TNS1: variants seen among roughly 807,000 people sequenced by gnomAD.
The protein encoded by TNS1 is tensin-1.
In TNS1, 62 loss-of-function variants were observed where a neutral mutation model predicts 168.6. That is an observed-to-expected ratio of 0.37 (90% CI 0.30 to 0.45). TNS1 has a LOEUF of 0.45. Ranked by LOEUF, TNS1 falls within the 20% of genes least tolerant of loss-of-function variation. TNS1 has a pLI of 1.00. For missense variants in TNS1, 2,240 were observed against 2,339.4 expected (o/e 0.96, Z 0.88); for synonymous variants, 934 against 933.2 (o/e 1.00, Z -0.02).
At chr2:217,834,291 G>A (rs1327384611) in intron 21 of TNS1, among the ~76,000 whole-genome samples, 1 of 152,236 alleles carries the variant, frequency 6.6e-6, no homozygotes, top group East Asian at 1.9e-4. Flanking sequence ...ACCAGGGCCA[G>A]TGGATAGCTT....
chr2:217,942,376 G>C (rs1461664718), intron 3 of TNS1, among the ~76,000 whole-genome samples: 5 of 152,104 alleles, frequency 3.3e-5, no homozygotes, highest in African/African-American at 1.2e-4. Flanking sequence ...CCCAAGTTGG[G>C]TCTCCAGTGC....
intron 2 of TNS1, among the ~76,000 whole-genome samples, chr2:217,988,909 G>A (rs113494192): frequency 0.016 from 2,504 of 152,214 alleles, 66 homozygotes; most frequent in African/African-American, 0.056. Flanking sequence ...ATGAGGTCAT[G>A]CCTTTGAGTG....
intron 21 of TNS1, among the ~76,000 whole-genome samples, chr2:217,834,822 A>C (rs1031695001): frequency 3.9e-4 from 60 of 152,204 alleles, no homozygotes; most frequent in African/African-American, 1.4e-3. Flanking sequence ...AAACTCCATA[A>C]TGTGGGAGCC....
chr2:217,961,260 C>CAGAGAGAG (rs139190494), intron 3 of TNS1, among the ~76,000 whole-genome samples: 187 of 139,956 alleles, frequency 1.3e-3, no homozygotes, highest in African/African-American at 2.6e-3. Flanking sequence ...CACACACACA[C>CAGAGAGAG]AGAGAGAGAG....
intron 2 of TNS1, among the ~76,000 whole-genome samples, chr2:217,988,436 T>C (rs763401029): frequency 2.1e-4 from 32 of 152,100 alleles, no homozygotes; most frequent in Non-Finnish European, 4.3e-4. Context: ...ACAGTGAATG[T>C]TGGCAGGACT....
At chr2:217,854,456 A>G (rs2125485885) in intron 18 of TNS1, among the ~76,000 whole-genome samples, 1 of 152,294 alleles carries the variant, frequency 6.6e-6, no homozygotes, top group African/African-American at 2.4e-5. Flanking sequence ...CTTTGGGTCC[A>G]AGTCCAGCAA....
chr2:217,989,123 G>A (rs1375061834), intron 2 of TNS1, among the ~76,000 whole-genome samples: 2 of 152,206 alleles, frequency 1.3e-5, no homozygotes, highest in Non-Finnish European at 2.9e-5. Context: ...CATGTGAGGT[G>A]CCAGTGGTTT....
intron 3 of TNS1, among the ~76,000 whole-genome samples, chr2:217,926,431 T>C (rs557514792): frequency 6.6e-6 from 1 of 152,334 alleles, no homozygotes; most frequent in East Asian, 1.9e-4. Flanking sequence ...CCATGGACAC[T>C]TGGGTTGCTT....
At chr2:217,965,046 C>G (rs748143938) in intron 3 of TNS1, among the ~76,000 whole-genome samples, 4 of 152,186 alleles carry the variant, frequency 2.6e-5, no homozygotes, top group African/African-American at 2.4e-5. Context: ...GGGGAATACA[C>G]AGGGCCAGCA....
At chr2:217,849,739 T>C (rs954501595) in intron 18 of TNS1, 2 of 985,442 alleles carry the variant, frequency 2.0e-6, no homozygotes, top group Non-Finnish European at 2.4e-6. Flanking sequence ...AGAGTAGCCA[T>C]TGCCTTGAAT....
chr2:217,926,848 C>A (rs1408365355), intron 3 of TNS1, among the ~76,000 whole-genome samples: 1 of 152,248 alleles, frequency 6.6e-6, no homozygotes, highest in Non-Finnish European at 1.5e-5. Context: ...AGGATGGTAT[C>A]AGGGCTCACC....
rs1474159591 is a variant in TNS1, at chr2:217,847,517, C to G, written c.3000G>C (p.Arg1000Ser). The change falls in exon 19 of 33, where the codon AGG (arginine) becomes AGC (serine). Residue 1000 changes from arginine (R) to serine (S), a missense_variant. Transcript: ENST00000682258. ...PLNLEGLVAH[R>S]VAGVQAREKQ... The stretch of plus-strand genomic sequence containing the variant: ...GGACTGAATACCTCTTACCTGCTAC[C>G]CTGTGGGCCACCAGCCCTTCTAAAT... The G allele has an allele frequency of 1.4e-6, 2 of 1,465,362 alleles. No individual in the cohort carries two copies. The highest frequency in any genetic ancestry group is 1.6e-5 in the South Asian group (1 of 62,136). 90.8% of individuals were successfully genotyped at this position (1,465,362 alleles called of 1,614,324 possible).
chr2:217,971,458 T>C (rs988076548), intron 3 of TNS1, among the ~76,000 whole-genome samples: 1 of 152,282 alleles, frequency 6.6e-6, no homozygotes, highest in Admixed American at 6.5e-5. Flanking sequence ...GCAATTTCTT[T>C]ATCCATTTAC....
chr2:217,907,650 G>A (rs1953869872), intron 4 of TNS1, among the ~76,000 whole-genome samples: 1 of 152,202 alleles, frequency 6.6e-6, no homozygotes, highest in Non-Finnish European at 1.5e-5. Context: ...AAAGTTAAAT[G>A]ACTGAGCCAA....
chr2:217,878,979 T>C (rs1950444030), intron 18 of TNS1, among the ~76,000 whole-genome samples: 1 of 152,172 alleles, frequency 6.6e-6, no homozygotes, highest in Non-Finnish European at 1.5e-5. Flanking sequence ...CAGCAGGACC[T>C]TTTGGTCAGT....
At chr2:217,963,917 T>C (rs868466421) in intron 3 of TNS1, among the ~76,000 whole-genome samples, 28 of 145,226 alleles carry the variant, frequency 1.9e-4, no homozygotes, top group Middle Eastern at 3.6e-3. Flanking sequence ...TAGTCGGGTG[T>C]GGTAAAATTT....
At chr2:218,004,964 C>T (rs958969361), upstream of TNS1, among the ~76,000 whole-genome samples, 2 of 152,256 alleles carry the variant, frequency 1.3e-5, no homozygotes, top group Admixed American at 1.3e-4. Flanking sequence ...ACCCTCCCGT[C>T]TCCCCTGGCT....
At chr2:217,874,244 T>C (rs1047491116) in intron 18 of TNS1, among the ~76,000 whole-genome samples, 1 of 152,122 alleles carries the variant, frequency 6.6e-6, no homozygotes, top group African/African-American at 2.4e-5. Context: ...ACAAAACAAG[T>C]AGCTTTTTAA....
intron 18 of TNS1, chr2:217,850,601 A>ACACG (rs1456010771): frequency 1.0e-6 from 1 of 970,714 alleles, no homozygotes; most frequent in African/African-American, 1.8e-5. Flanking sequence ...ACACACACAC[A>ACACG]CACACACACA....
Sources: gnomAD v4.1 joint callset for allele counts (sites outside exome capture counted in the v4.1 genomes callset) on GRCh38, gnomAD v4.1.1 for gene constraint, MANE v1.5 for transcripts, NCBI Gene and HGNC (gene_info 2026-07-23, HGNC 2026-07-21) for gene names.